Variants in SPATA13 observed in about 807,000 individuals in gnomAD.
SPATA13 encodes the protein spermatogenesis associated 13, also known as spermatogenesis-associated protein 13.
A neutral mutation model predicts 104.0 loss-of-function variants in SPATA13; 50 were observed. The ratio of observed to expected loss-of-function variants is 0.48; its 90% CI spans 0.38 to 0.61. The LOEUF is 0.61. Among genes scored for constraint, SPATA13 ranks in the 20% least tolerant of loss-of-function variants. SPATA13 has a pLI of 0.00. For missense variants in SPATA13, 1,524 were observed against 1,690.6 expected, an observed-to-expected ratio of 0.90 and a Z score of 1.73; for synonymous variants, 606 against 667.5, an observed-to-expected ratio of 0.91 and a Z score of 1.42.
rs1876869098 is a variant in SPATA13 at position 24,297,524 on chromosome 13, G to A, written c.3372G>A (p.Lys1124=). ...DLLRRDMLYY[K]GRLDMDEMEL... is the part of the protein sequence containing the mutation. ...TGCGCAGGGACATGCTGTACTACAA[G>A]GGCCGGCTGGACATGGATGAGATGG... The change falls in exon 11 of 13, where the codon AAG becomes AAA. Residue 1124 remains lysine, a synonymous_variant. Transcript: ENST00000382108. The A allele has an allele frequency of 1.2e-6, 2 of 1,614,236 alleles. No individual in the cohort carries two copies. The highest frequency in any genetic ancestry group is 2.2e-5 in the East Asian group (1 of 44,880).
chr13:24,043,157 G>A (rs984410489), intron 3 of SPATA13, among the ~76,000 whole-genome samples: 1 of 152,188 alleles, frequency 6.6e-6, no homozygotes, highest in Non-Finnish European at 1.5e-5. Context: ...TGGCCTCGGT[G>A]TTCTCCGCAC....
intron 12 of SPATA13, 138 bp downstream of exon 12, chr13:24,300,613 G>A (rs1877116038): frequency 5.4e-6 from 4 of 742,348 alleles, no homozygotes; most frequent in South Asian, 4.8e-5. Context: ...GGCAGGTCCA[G>A]AACAGGGGCC....
In SPATA13 at chr13:24,254,933, C is replaced by T. The variant is rs376790087; in HGVS notation, c.2164+3071C>T. On this transcript the variant is annotated intron_variant, in intron 4 of 12. Coordinates refer to ENST00000382108, the MANE Select transcript of SPATA13 (RefSeq NM_001166271.3). Reference sequence around the variant, plus strand: ...TGTCCACATGATGATTGATTAGCCTCTCTTGCAATAAGGATTCATGTAGGA... The same window carrying T: ...TGTCCACATGATGATTGATTAGCCTTTCTTGCAATAAGGATTCATGTAGGA... 3.9e-5 allele frequency among the ~76,000 whole-genome samples: 6 copies of T among 152,242 alleles called. No individual in the cohort carries two copies. In the East Asian group the frequency reaches 9.7e-4, roughly 24 times the overall value.
At chr13:24,092,575 CAA>C (rs1312185797) in intron 3 of SPATA13, among the ~76,000 whole-genome samples, 2 of 152,134 alleles carry the variant, frequency 1.3e-5, no homozygotes, top group Admixed American at 6.5e-5. Context: ...TAAGAGTACT[CAA>C]AGGCAATCAG....
Position 24,011,897 on chromosome 13 carries a change from G to A in SPATA13, c.-146-5770G>A, listed in dbSNP as rs9580825. 0.044 allele frequency among the ~76,000 whole-genome samples: 6,192 copies of A among 141,094 alleles called. 396 individuals carry two copies. The highest frequency in any genetic ancestry group is 0.14 in the African/African-American group (5,782 of 41,244). 92.6% of individuals were successfully genotyped at this position (141,094 alleles called of 152,430 possible). On this transcript the variant is annotated intron_variant, in intron 2 of 14. Coordinates refer to the SPATA13 transcript ENST00000424834. The surrounding 1 kb of genome is among the most constrained non-coding windows in gnomAD (Gnocchi z 4.3). The stretch of plus-strand genomic sequence containing the variant: ...TGATCCCACAGACCCAGAATGCTCA[G>A]CCTTCTTCTTTAAACTTGCAGCGGA...
At chr13:24,049,184 A>C (rs1275397303) in intron 3 of SPATA13, among the ~76,000 whole-genome samples, 1 of 152,254 alleles carries the variant, frequency 6.6e-6, no homozygotes, top group Non-Finnish European at 1.5e-5. Flanking sequence ...CAACAGCAGC[A>C]GTAACAACAG....
intron 9 of SPATA13, among the ~76,000 whole-genome samples, chr13:24,291,749 T>TTTTTTTTTATTTTTTTTTTTTTA (rs1555277158): frequency 1.3e-5 from 1 of 79,784 alleles, no homozygotes. Flanking sequence ...TATTTTTTTA[T>TTTTTTTTTATTTTTTTTTTTTTA]TTTTTTATTT....
chr13:24,247,344 G>A (rs1873193296), intron 2 of SPATA13, among the ~76,000 whole-genome samples: 1 of 152,074 alleles, frequency 6.6e-6, no homozygotes, highest in African/African-American at 2.4e-5. Flanking sequence ...TTGTGTCTTT[G>A]TTGCCACTGA....
intron 1 of SPATA13, among the ~76,000 whole-genome samples, chr13:24,192,240 C>G (rs9507267): frequency 0.43 from 65,391 of 152,008 alleles, 16,572 homozygotes; most frequent in Non-Finnish European, 0.57. Context: ...CCCCTCCCCC[C>G]ACACCTTATC....
intron 4 of SPATA13, among the ~76,000 whole-genome samples, chr13:24,281,210 G>A (rs755521416): frequency 1.3e-5 from 2 of 152,236 alleles, no homozygotes; most frequent in Non-Finnish European, 2.9e-5. Context: ...CTGCCTCTTG[G>A]CTTTGTGCTT....
Position 24,154,527 on chromosome 13 carries a change from G to C in SPATA13, c.-111-68292G>C, listed in dbSNP as rs558319320. ...CTTTGGGGTACTGGGCATTGCTAACGGGGGGGAGGGGCACATAAGGGAGTC... is the reference window on the plus strand; with the variant it reads ...CTTTGGGGTACTGGGCATTGCTAACCGGGGGGAGGGGCACATAAGGGAGTC... On this transcript the variant is annotated intron_variant, in intron 3 of 14. Transcript: ENST00000424834. Among the ~76,000 whole-genome samples the C allele has an allele frequency of 4.6e-5, 7 of 152,108 alleles. No individual in the cohort carries two copies. In the East Asian group the frequency reaches 7.7e-4, roughly 17 times the overall value.
intron 1 of SPATA13, among the ~76,000 whole-genome samples, chr13:23,983,091 A>G (rs1409430612): frequency 6.6e-6 from 1 of 152,238 alleles, no homozygotes; most frequent in African/African-American, 2.4e-5. Context: ...GCCACTGTTC[A>G]AAAATGGGAG....
intron 3 of SPATA13, among the ~76,000 whole-genome samples, chr13:24,095,450 C>T (rs1384050363): frequency 6.6e-6 from 1 of 151,962 alleles, no homozygotes; most frequent in Non-Finnish European, 1.5e-5. Flanking sequence ...TTAACGGGTA[C>T]AGAGTTTTAG....
chr13:24,292,326 C>G (rs570578483), intron 9 of SPATA13, among the ~76,000 whole-genome samples: 14 of 152,356 alleles, frequency 9.2e-5, no homozygotes, highest in Non-Finnish European at 1.0e-4. Context: ...GGTAGCAGTG[C>G]TTGGCTAATT....
At chr13:23,983,926 C>T in exon 2 of SPATA13, 1 of 985,424 alleles carries the variant, frequency 1.0e-6, no homozygotes, top group Non-Finnish European at 1.2e-6. Flanking sequence ...AACATCCTGG[C>T]CGTGAAGGTA....
chr13:24,302,969 G>T lies in SPATA13; in HGVS notation c.*196G>T. 1 of 665,370 alleles carries T rather than the reference G, an allele frequency of 1.5e-6. No individual in the cohort carries two copies. The highest frequency in any genetic ancestry group is 2.6e-6 in the Non-Finnish European group (1 of 390,458). The allele number at this position is 665,370 out of a possible 1,614,324, so 41.2% of individuals were successfully genotyped here. A position where few individuals can be genotyped will look rare whatever the true frequency, so the allele number is the denominator to read the frequency against. The stretch of plus-strand genomic sequence containing the variant: ...CTGCCTTTGTGGAAGGGAGGAGACG[G>T]TCATGACACAAAGCTTTATCCTACA... On this transcript the variant is annotated 3_prime_UTR_variant, in exon 13 of 13. Coordinates refer to ENST00000382108, the MANE Select transcript of SPATA13 (RefSeq NM_001166271.3).
intron 2 of SPATA13, among the ~76,000 whole-genome samples, chr13:24,231,437 T>A (rs1482731377): frequency 6.6e-6 from 1 of 152,208 alleles, no homozygotes. Context: ...AGTGCTTCCT[T>A]CCTTGTTAAG....
At chr13:24,290,002 G>C (rs147080320) in intron 8 of SPATA13, among the ~76,000 whole-genome samples, 1 of 152,188 alleles carries the variant, frequency 6.6e-6, no homozygotes, top group African/African-American at 2.4e-5. Context: ...CATGTGTGAC[G>C]TGGGCATATC....
chr13:24,171,724 A>G (rs1882977834), intron 1 of SPATA13, among the ~76,000 whole-genome samples: 1 of 152,232 alleles, frequency 6.6e-6, no homozygotes. Flanking sequence ...GATTAATGGC[A>G]TACCCAAACC....
Sources: gnomAD v4.1 joint callset for allele counts (sites outside exome capture counted in the v4.1 genomes callset) on GRCh38, gnomAD v4.1.1 for gene constraint, Gnocchi (gnomAD v3.1) non-coding constraint, MANE v1.5 for transcripts, NCBI Gene and HGNC (gene_info 2026-07-23, HGNC 2026-07-21) for gene names.